The following RP1 variants were observed in gnomAD, a reference collection of about 807,000 sequenced individuals.
RP1 encodes the protein RP1 axonemal microtubule associated.
Under a neutral mutation model 14.8 loss-of-function variants are expected in RP1, and 16 were observed. The ratio of observed to expected loss-of-function variants is 1.08; its 90% CI spans 0.73 to 1.65. The LOEUF is 1.65. Among genes scored for constraint, RP1 ranks in the 40% most tolerant of loss-of-function variants. The probability of loss-of-function intolerance (pLI) is 0.00; values close to 1 mark genes in which losing one functional copy is unlikely to be tolerated. For missense variants in RP1, 2,631 were observed against 2,535.0 expected (o/e 1.04, Z -0.81); for synonymous variants, 876 against 883.6 (o/e 0.99, Z 0.15).
intron 1 of RP1, among the ~76,000 whole-genome samples, chr8:54,573,488 G>C (rs1002062112): frequency 3.3e-5 from 5 of 152,220 alleles, no homozygotes; most frequent in African/African-American, 9.7e-5. Context: ...ATGCTTGAGA[G>C]GGGCATAGAC....
chr8:54,827,299 C>T (rs1261915022), intron 24 of RP1, among the ~76,000 whole-genome samples: 1 of 151,422 alleles, frequency 6.6e-6, no homozygotes, highest in Non-Finnish European at 1.5e-5. Flanking sequence ...ACACATTGTA[C>T]AGCAGTACAA....
chr8:54,864,723 TGCCA>T (rs1022506412), intron 27 of RP1, among the ~76,000 whole-genome samples: 16 of 152,214 alleles, frequency 1.1e-4, no homozygotes, highest in African/African-American at 3.9e-4. Context: ...AATTTATCTA[TGCCA>T]GCCCCAATTC....
intron 18 of RP1, among the ~76,000 whole-genome samples, chr8:54,738,104 G>A (rs984726622): frequency 1.7e-4 from 26 of 152,040 alleles, no homozygotes; most frequent in Non-Finnish European, 5.9e-5. Flanking sequence ...AGATTGTGCC[G>A]TCATTTTCAT....
intron 15 of RP1, among the ~76,000 whole-genome samples, chr8:54,714,116 G>C (rs573282479): frequency 6.6e-6 from 1 of 152,172 alleles, no homozygotes; most frequent in South Asian, 2.1e-4. Context: ...AGTAGATACG[G>C]GGTTTCACCA....
At chr8:54,696,741 T>G in intron 12 of RP1, 1 of 722,652 alleles carries the variant, frequency 1.4e-6, no homozygotes, top group Non-Finnish European at 2.5e-6. Flanking sequence ...CTAAAGAAAA[T>G]GTTTAGTGGT....
intron 25 of RP1, among the ~76,000 whole-genome samples, chr8:54,851,133 G>A (rs754433324): frequency 1.1e-4 from 17 of 152,156 alleles, no homozygotes; most frequent in Non-Finnish European, 2.4e-4. Flanking sequence ...ATCAATTGGA[G>A]CAGCTTCTGG....
At chr8:54,620,708 C>T (rs1368768418) in intron 1 of RP1, among the ~76,000 whole-genome samples, 1 of 151,940 alleles carries the variant, frequency 6.6e-6, no homozygotes, top group Non-Finnish European at 1.5e-5. Context: ...TTTATCTAGG[C>T]CCTTATTCGT....
At chr8:54,762,391 G>A (rs933295235) in intron 22 of RP1, among the ~76,000 whole-genome samples, 27 of 152,120 alleles carry the variant, frequency 1.8e-4, no homozygotes, top group Non-Finnish European at 2.8e-4. Context: ...GCGAGTGTGC[G>A]CATCCTCCTT....
intron 1 of RP1, among the ~76,000 whole-genome samples, chr8:54,561,341 TTCC>T (rs768917659): frequency 3.9e-5 from 6 of 152,242 alleles, no homozygotes; most frequent in Non-Finnish European, 7.3e-5. Context: ...TAAACTCAGA[TTCC>T]GAGTAAACAA....
chr8:54,820,189 C>T (rs756435074), intron 24 of RP1, among the ~76,000 whole-genome samples: 1 of 152,014 alleles, frequency 6.6e-6, no homozygotes, highest in Non-Finnish European at 1.5e-5. Context: ...ATCCTCTGTC[C>T]TCTTCCCTCT....
chr8:54,865,513 T>G (rs568294870), intron 27 of RP1, among the ~76,000 whole-genome samples: 7 of 152,328 alleles, frequency 4.6e-5, no homozygotes, highest in African/African-American at 1.7e-4. Context: ...ATAAATCTTC[T>G]ATGACTTAAC....
intron 1 of RP1, among the ~76,000 whole-genome samples, chr8:54,616,719 A>G (rs550956289): frequency 7.4e-4 from 112 of 152,326 alleles, no homozygotes; most frequent in Middle Eastern, 6.8e-3. Context: ...TCAATTTTCC[A>G]TTTTTTCTAC....
chr8:54,668,957 C>T (rs1014311765), intron 7 of RP1, among the ~76,000 whole-genome samples: 2 of 152,146 alleles, frequency 1.3e-5, no homozygotes, highest in Admixed American at 6.6e-5. Context: ...CTATTCAGGA[C>T]ATAGGCATGG....
chr8:54,678,397 A>G, intron 8 of RP1: 1 of 1,365,026 alleles, frequency 7.3e-7, no homozygotes. Context: ...TGTTTCTCAA[A>G]ACTTGAAGTA....
At chr8:54,686,222 C>T (rs1585605950) in intron 12 of RP1, among the ~76,000 whole-genome samples, 1 of 152,032 alleles carries the variant, frequency 6.6e-6, no homozygotes, top group African/African-American at 2.4e-5. Flanking sequence ...AGGATTATTT[C>T]CTGATGTTAT....
chr8:54,735,669 G>A (rs140515468), intron 18 of RP1, among the ~76,000 whole-genome samples: 1 of 152,270 alleles, frequency 6.6e-6, no homozygotes, highest in African/African-American at 2.4e-5. Flanking sequence ...CTGAAGAAAA[G>A]CAGTTGTCTG....
rs551915747 is a variant in RP1, at chr8:54,635,839, G to A, written c.788-13146G>A. On this transcript the variant is annotated intron_variant, in intron 3 of 22. Coordinates refer to the RP1 transcript ENST00000636932. Reference sequence around the variant, plus strand: ...GAGGGGAACTTATTTCTTTAAATTAGCCCATCTACAACCCCCACAAGAAAG... The same window carrying A: ...GAGGGGAACTTATTTCTTTAAATTAACCCATCTACAACCCCCACAAGAAAG... Among the ~76,000 whole-genome samples the A allele has an allele frequency of 7.2e-5, 11 of 152,162 alleles. No individual in the cohort carries two copies. The South Asian group carries it at 1.7e-3, about 23-fold the overall frequency.
rs1809581598 is a variant in RP1 at position 54,759,208 on chromosome 8, C to T, written c.3248+132C>T. 3 of 855,286 alleles carry T rather than the reference C, an allele frequency of 3.5e-6. No individual in the cohort carries two copies. In the South Asian group the frequency reaches 8.5e-5, roughly 24 times the overall value. 53.0% of individuals were successfully genotyped at this position (855,286 alleles called of 1,614,324 possible). On this transcript the variant is annotated intron_variant, in intron 22 of 22. Transcript: ENST00000636932. Reference sequence around the variant, plus strand: ...AGGTCACGGATTTGTTTCATTAACTCAGATTCCACACCATGAATAACTCTT... The same window carrying T: ...AGGTCACGGATTTGTTTCATTAACTTAGATTCCACACCATGAATAACTCTT...
At chr8:54,690,729 A>T (rs1038871904) in intron 12 of RP1, among the ~76,000 whole-genome samples, 3 of 152,052 alleles carry the variant, frequency 2.0e-5, no homozygotes, top group Non-Finnish European at 2.9e-5. Flanking sequence ...AGCTGCAGCA[A>T]ATCAGGGCTA....
Sources: allele counts gnomAD v4.1 joint callset (sites outside exome capture counted in the v4.1 genomes callset), GRCh38; gene constraint gnomAD v4.1.1; transcripts MANE v1.5; gene names NCBI Gene and HGNC (gene_info 2026-07-23, HGNC 2026-07-21).